C17orf78: variants seen among roughly 807,000 people sequenced by gnomAD.
C17orf78 encodes uncharacterized protein C17orf78.
A neutral mutation model predicts 31.8 loss-of-function variants in C17orf78; 27 were observed. The observed-to-expected ratio is 0.85, with a 90% CI of 0.63 to 1.17. The LOEUF (loss-of-function observed/expected upper bound fraction) is 1.17, where lower values mean the gene tolerates loss of function less well. Ranked by LOEUF, C17orf78 falls within the 50% of genes most tolerant of loss-of-function variation. The pLI, the probability that C17orf78 is intolerant of heterozygous loss-of-function variation, is 0.00. For synonymous variants in C17orf78, 106 were observed against 115.1 expected (o/e 0.92, Z 0.51); for missense variants, 258 against 315.2 (o/e 0.82, Z 1.37).
At chr17:37,376,325 G>T (rs556431292) in intron 1 of C17orf78, among the ~76,000 whole-genome samples, 175 bp downstream of exon 1, 2 of 152,240 alleles carry the variant, frequency 1.3e-5, no homozygotes, top group Non-Finnish European at 2.9e-5. Flanking sequence ...TCATTCCAGA[G>T]AGATAGCTGT....
intron 5 of C17orf78, 53 bp downstream of exon 5, chr17:37,388,847 CTG>C: frequency 6.3e-7 from 1 of 1,597,692 alleles, no homozygotes; most frequent in East Asian, 2.2e-5. Context: ...AGACTTTCTT[CTG>C]TTCCAGAGGC....
rs2050681337 is a variant in C17orf78, at chr17:37,389,226, C to T, written c.634-20C>T. The T allele has an allele frequency of 6.4e-7, 1 of 1,561,974 alleles. No homozygotes were observed. The highest frequency in any genetic ancestry group is 2.4e-5 in the East Asian group (1 of 41,968). ...CTTACCAGCCACTTCATATTAATAC[C>T]AGTCATTTTCTCCCTTCAGTATCAA... On this transcript the variant is annotated intron_variant, in intron 5 of 6. Coordinates refer to ENST00000615133, the MANE Select transcript of C17orf78 (RefSeq NM_173625.5).
At chr17:37,380,755 G>T (rs919128656) in intron 3 of C17orf78, among the ~76,000 whole-genome samples, 1 of 151,982 alleles carries the variant, frequency 6.6e-6, no homozygotes, top group African/African-American at 2.4e-5. Context: ...CTGCCACCAT[G>T]GCTGGCTAAT....
At chr17:37,389,842 T>C (rs1241919554) in intron 6 of C17orf78, among the ~76,000 whole-genome samples, 1 of 151,814 alleles carries the variant, frequency 6.6e-6, no homozygotes, top group Non-Finnish European at 1.5e-5. Context: ...GCAATCCTTC[T>C]TATGTCAGGA....
chr17:37,380,971 G>C (rs1237787171), intron 3 of C17orf78, among the ~76,000 whole-genome samples: 3 of 151,496 alleles, frequency 2.0e-5, no homozygotes, highest in African/African-American at 7.3e-5. Context: ...ATAGTGAAAA[G>C]TAAGTCTCTC....
chr17:37,391,792 T>G lies in C17orf78; in HGVS notation c.*68T>G. 1 of 1,360,878 alleles carries G rather than the reference T, an allele frequency of 7.3e-7. No individual in the cohort carries two copies. Among genetic ancestry groups the G allele is most frequent in the Non-Finnish European group, 1.0e-6 (1 of 956,820 alleles). The allele number at this position is 1,360,878 out of a possible 1,614,324, so 84.3% of individuals were successfully genotyped here. Reference sequence around the variant, plus strand: ...CCTCTCCCTATTAATATGGGCACATTCTTGCCAATTTCACACTTGTATCTT... The same window carrying G: ...CCTCTCCCTATTAATATGGGCACATGCTTGCCAATTTCACACTTGTATCTT... On this transcript the variant is annotated 3_prime_UTR_variant, in exon 7 of 7. Coordinates refer to ENST00000615133, the MANE Select transcript of C17orf78 (RefSeq NM_173625.5).
chr17:37,381,949 G>GC (rs1360693583), intron 3 of C17orf78, among the ~76,000 whole-genome samples: 1 of 151,934 alleles, frequency 6.6e-6, no homozygotes, highest in Non-Finnish European at 1.5e-5. Context: ...TATTCTACTA[G>GC]CCCCCTATTG....
At chr17:37,376,445 G>A (rs2050005859) in intron 1 of C17orf78, among the ~76,000 whole-genome samples, 1 of 152,092 alleles carries the variant, frequency 6.6e-6, no homozygotes, top group African/African-American at 2.4e-5. Flanking sequence ...TAGAGTTTCA[G>A]TATTGTCATC....
rs112181268 is a variant in C17orf78, at chr17:37,378,002, A to T, written c.145+37A>T. 4.5e-4 allele frequency: 709 copies of T among 1,577,460 alleles called. No homozygotes were observed. The African/African-American group carries it at 8.3e-3, about 19-fold the overall frequency. Reference sequence around the variant, plus strand: ...GTCCTTTCTGGAAAATGATATTGCCATTCCAAAAAATTTTTACCTTTAAAA... The same window carrying T: ...GTCCTTTCTGGAAAATGATATTGCCTTTCCAAAAAATTTTTACCTTTAAAA... On this transcript the variant is annotated intron_variant, in intron 2 of 6. Transcript: ENST00000615133.
intron 5 of C17orf78, 30 bp downstream of exon 5, chr17:37,388,824 A>T: frequency 6.2e-7 from 1 of 1,610,462 alleles, no homozygotes; most frequent in Non-Finnish European, 8.5e-7. Flanking sequence ...GAATCCTTGA[A>T]CTTGACCCAT....
chr17:37,390,157 T>TAC (rs2050741988), intron 6 of C17orf78, among the ~76,000 whole-genome samples: 1 of 34,606 alleles, frequency 2.9e-5, no homozygotes, highest in African/African-American at 1.8e-4. Context: ...TATATATATA[T>TAC]ATATATATAT....
intron 6 of C17orf78, among the ~76,000 whole-genome samples, chr17:37,390,932 T>A (rs1007744864): frequency 4.6e-5 from 7 of 152,098 alleles, no homozygotes; most frequent in African/African-American, 1.7e-4. Flanking sequence ...CACAATAAGC[T>A]ACTAAATGAT....
At chr17:37,379,462 A>G in intron 3 of C17orf78, 80 bp downstream of exon 3, 1 of 1,469,088 alleles carries the variant, frequency 6.8e-7, no homozygotes, top group East Asian at 2.3e-5. Flanking sequence ...CCGTAGCAGG[A>G]AAAGCTACAA....
At chr17:37,377,041 C>A (rs1597737980) in intron 1 of C17orf78, among the ~76,000 whole-genome samples, 1 of 152,182 alleles carries the variant, frequency 6.6e-6, no homozygotes, top group South Asian at 2.1e-4. Context: ...ACGAATTTGA[C>A]AAATTATAAA....
chr17:37,380,979 C>G (rs1012890709), intron 3 of C17orf78, among the ~76,000 whole-genome samples: 1 of 151,714 alleles, frequency 6.6e-6, no homozygotes, highest in Non-Finnish European at 1.5e-5. Context: ...AAGTAAGTCT[C>G]TCTCCTACTC....
rs372283806 is a variant in C17orf78, at chr17:37,389,230, C to A, written c.634-16C>A. The A allele has an allele frequency of 6.4e-6, 10 of 1,565,184 alleles. No homozygotes were observed. Among genetic ancestry groups the A allele is most frequent in the East Asian group, 2.4e-5 (1 of 42,242 alleles). On this transcript the variant is annotated splice_polypyrimidine_tract_variant and intron_variant, in intron 5 of 6. Transcript: ENST00000615133. ...CCAGCCACTTCATATTAATACCAGT[C>A]ATTTTCTCCCTTCAGTATCAATGCC...
chr17:37,390,253 T>TAATTATATATAATATATTATA lies in C17orf78; in HGVS notation c.750+891_750+892insAATTATATATAATATATTATA, dbSNP rs2050767925. Among the ~76,000 whole-genome samples the TAATTATATATAATATATTATA allele has an allele frequency of 8.6e-5, 3 of 35,086 alleles. 1 individual carries two copies. Among genetic ancestry groups the TAATTATATATAATATATTATA allele is most frequent in the African/African-American group, 7.7e-4 (3 of 3,918 alleles). 23.0% of individuals were successfully genotyped at this position (35,086 alleles called of 152,430 possible). A position where few individuals can be genotyped will look rare whatever the true frequency, so the allele number is the denominator to read the frequency against. ...TTATATATAATATATTATATATATATTATATATAATTATATATAATATATT... is the reference window on the plus strand; with the variant it reads ...TTATATATAATATATTATATATATATAATTATATATAATATATTATATATATATAATTATATATAATATATT... On this transcript the variant is annotated intron_variant, in intron 6 of 6. Transcript: ENST00000615133.
intron 6 of C17orf78, among the ~76,000 whole-genome samples, chr17:37,390,318 A>ATCTATATATATATC (rs1485561896): frequency 1.9e-5 from 1 of 52,272 alleles, no homozygotes; most frequent in African/African-American, 1.1e-4. Context: ...ATATATATAT[A>ATCTATATATATATC]TATATATATA....
At chr17:37,390,248 ATATAT>A (rs1302926578) in intron 6 of C17orf78, among the ~76,000 whole-genome samples, 700 of 34,962 alleles carry the variant, frequency 0.02, 46 homozygotes, top group African/African-American at 0.12. Context: ...TATATTATAT[ATATAT>A]TATATATAAT....
Sources: allele counts gnomAD v4.1 joint callset (sites outside exome capture counted in the v4.1 genomes callset), GRCh38; gene constraint gnomAD v4.1.1; transcripts MANE v1.5; gene names NCBI Gene and HGNC (gene_info 2026-07-23, HGNC 2026-07-21).